Variants in COL4A4 observed in about 807,000 individuals in gnomAD.
COL4A4 encodes collagen type IV alpha 4 chain, also known as collagen alpha-4(IV) chain.
Under a neutral mutation model 192.9 loss-of-function variants are expected in COL4A4, and 105 were observed. The ratio of observed to expected loss-of-function variants is 0.54; its 90% CI spans 0.46 to 0.64. The LOEUF (loss-of-function observed/expected upper bound fraction) is 0.64, where lower values mean the gene tolerates loss of function less well. COL4A4 is among the 30% of genes least tolerant of loss of function. COL4A4 has a pLI of 0.00. For missense variants in COL4A4, 1,967 were observed against 2,169.3 expected (o/e 0.91, Z 1.85); for synonymous variants, 762 against 769.9 (o/e 0.99, Z 0.17).
intron 30 of COL4A4, 74 bp downstream of exon 30, chr2:227,055,871 C>T: frequency 1.5e-6 from 2 of 1,340,254 alleles, no homozygotes; most frequent in Non-Finnish European, 2.1e-6. Flanking sequence ...GTGTGGTCAT[C>T]TGTCCAGTCT....
intron 25 of COL4A4, among the ~76,000 whole-genome samples, chr2:227,070,737 G>T (rs2058669344): frequency 9.3e-6 from 1 of 107,406 alleles, no homozygotes; most frequent in Non-Finnish European, 1.9e-5. Context: ...GGGGAGGGGG[G>T]AGGGGGGAGG....
chr2:227,114,053 T>G (rs2061359549), intron 8 of COL4A4, among the ~76,000 whole-genome samples: 1 of 152,162 alleles, frequency 6.6e-6, no homozygotes, highest in African/African-American at 2.4e-5. Flanking sequence ...ACAACACCAT[T>G]AAATGTATCA....
intron 31 of COL4A4, among the ~76,000 whole-genome samples, chr2:227,053,852 CT>C (rs377079075): frequency 0.017 from 2,624 of 151,096 alleles, 75 homozygotes; most frequent in African/African-American, 0.061. Flanking sequence ...GGCCAGAAAA[CT>C]TTTTTTTTCA....
chr2:227,041,868 A>AGAGAG lies in COL4A4; in HGVS notation c.3505+279_3505+280insCTCTC, dbSNP rs1559478788. On this transcript the variant is annotated intron_variant, in intron 37 of 47. Transcript: ENST00000396625. Reference sequence around the variant, plus strand: ...AGAAAGAGAAAGAAAGAAAGAAAGAAAGAAAGAAAGAAAGAAAGAAAGAAA... The same window carrying AGAGAG: ...AGAAAGAGAAAGAAAGAAAGAAAGAAGAGAGAGAAAGAAAGAAAGAAAGAAAGAAA... 3.6e-4 allele frequency among the ~76,000 whole-genome samples: 43 copies of AGAGAG among 120,806 alleles called. 1 individual carries two copies. Among genetic ancestry groups the AGAGAG allele is most frequent in the African/African-American group, 1.4e-3 (43 of 30,004 alleles). 79.3% of individuals were successfully genotyped at this position (120,806 alleles called of 152,430 possible).
chr2:227,073,724 A>T (rs2058851193), intron 25 of COL4A4, among the ~76,000 whole-genome samples: 1 of 152,092 alleles, frequency 6.6e-6, no homozygotes, highest in Admixed American at 6.6e-5. Flanking sequence ...CAGCACAGAG[A>T]ATCCAGAAAC....
chr2:227,027,419 C>G (rs1209106376), intron 42 of COL4A4, among the ~76,000 whole-genome samples: 2 of 144,720 alleles, frequency 1.4e-5, no homozygotes, highest in Non-Finnish European at 3.0e-5. Context: ...TAGGTGGGAA[C>G]TGAACAATGA....
At chr2:227,101,977 AT>A in intron 15 of COL4A4, 68 bp from the exon 16 acceptor site, 4 of 1,120,412 alleles carry the variant, frequency 3.6e-6, no homozygotes, top group Non-Finnish European at 5.3e-6. Context: ...TCAGTGCATC[AT>A]TTTTCACCTT....
At chr2:227,046,476 T>C (rs1194048251) in intron 35 of COL4A4, among the ~76,000 whole-genome samples, 4 of 152,008 alleles carry the variant, frequency 2.6e-5, no homozygotes, top group Non-Finnish European at 4.4e-5. Context: ...TGGACATTTG[T>C]TCCATTCAAA....
At chr2:227,077,482 C>T (rs1364442246) in intron 25 of COL4A4, among the ~76,000 whole-genome samples, 1 of 151,902 alleles carries the variant, frequency 6.6e-6, no homozygotes, top group Non-Finnish European at 1.5e-5. Flanking sequence ...CACATAATAT[C>T]GAGACCTGTC....
chr2:226,990,441 A>T, the COL4A4 span, among the ~76,000 whole-genome samples: 2 of 152,160 alleles, frequency 1.3e-5, no homozygotes, highest in Non-Finnish European at 2.9e-5. Flanking sequence ...TTTAAGGGAG[A>T]GATACTATGC....
intron 22 of COL4A4, 110 bp from the exon 23 acceptor site, chr2:227,082,297 T>C: frequency 9.6e-7 from 1 of 1,044,536 alleles, no homozygotes; most frequent in Non-Finnish European, 1.5e-6. Flanking sequence ...TGTTAAAGAT[T>C]CTAGCTTGGC....
intron 34 of COL4A4, among the ~76,000 whole-genome samples, chr2:227,048,763 G>A (rs539907171): frequency 2.6e-5 from 4 of 152,314 alleles, no homozygotes; most frequent in South Asian, 2.1e-4. Flanking sequence ...TACTGTGAAA[G>A]AATGGTAAAG....
intron 35 of COL4A4, among the ~76,000 whole-genome samples, chr2:227,045,420 A>G (rs913357362): frequency 7.2e-5 from 11 of 152,044 alleles, no homozygotes; most frequent in Admixed American, 5.9e-4. Context: ...TGCTGACCTC[A>G]AAACTATTTT....
chr2:226,998,980 C>A (rs1385491451), downstream of COL4A4: 2 of 152,294 alleles, frequency 1.3e-5, no homozygotes, highest in Non-Finnish European at 2.9e-5. Flanking sequence ...TTCAGATCCT[C>A]CTCATCCAGC....
At chr2:227,002,271 C>G (rs1247574517), downstream of COL4A4, among the ~76,000 whole-genome samples, 1 of 151,776 alleles carries the variant, frequency 6.6e-6, no homozygotes, top group African/African-American at 2.4e-5. Context: ...TAATCAATAC[C>G]TAACTAACTC....
In COL4A4 at chr2:227,088,221, C is replaced by T. The variant is rs144136255; in HGVS notation, c.1623+432G>A. ...CACAATAAATTAGAAAGAGGCACCTCGATTTTTATCTCTACGTGTCTGATA... is the reference window on the plus strand; with the variant it reads ...CACAATAAATTAGAAAGAGGCACCTTGATTTTTATCTCTACGTGTCTGATA... On this transcript the variant is annotated intron_variant, in intron 22 of 47. Transcript: ENST00000396625. 2.2e-3 allele frequency among the ~76,000 whole-genome samples: 329 copies of T among 152,336 alleles called. 1 individual carries two copies. The highest frequency in any genetic ancestry group is 7.7e-3 in the African/African-American group (322 of 41,564).
Position 227,007,135 on chromosome 2 carries a change from C to G in COL4A4, c.*190G>C, listed in dbSNP as rs1962309945. On this transcript the variant is annotated 3_prime_UTR_variant, in exon 48 of 48. Coordinates refer to ENST00000396625, the MANE Select transcript of COL4A4 (RefSeq NM_000092.5). ...GGCTCCCTAGATTGGGAGGTCCAAACAAATCCATCTGTGCAGCATTTGCTT... is the reference window on the plus strand; with the variant it reads ...GGCTCCCTAGATTGGGAGGTCCAAAGAAATCCATCTGTGCAGCATTTGCTT... The G allele has an allele frequency of 1.3e-6, 1 of 784,238 alleles. No homozygotes were observed. The highest frequency in any genetic ancestry group is 1.7e-5 in the African/African-American group (1 of 58,310). 48.6% of individuals were successfully genotyped at this position (784,238 alleles called of 1,614,324 possible).
At chr2:227,103,003 T>C (rs1222096927) in intron 14 of COL4A4, 141 bp downstream of exon 14, 48 of 1,042,086 alleles carry the variant, frequency 4.6e-5, no homozygotes, top group Non-Finnish European at 6.1e-5. Flanking sequence ...AGAAGCTCTA[T>C]AGTATTATGA....
intron 25 of COL4A4, among the ~76,000 whole-genome samples, chr2:227,075,553 G>T (rs2058979024): frequency 6.6e-6 from 1 of 152,108 alleles, no homozygotes; most frequent in Non-Finnish European, 1.5e-5. Context: ...GCAAAAGCTG[G>T]AAGCATTCCC....
Sources: allele counts gnomAD v4.1 joint callset (sites outside exome capture counted in the v4.1 genomes callset), GRCh38; gene constraint gnomAD v4.1.1; transcripts MANE v1.5; gene names NCBI Gene and HGNC (gene_info 2026-07-23, HGNC 2026-07-21).